PTPRM: variants seen among roughly 807,000 people sequenced by gnomAD.
PTPRM encodes protein tyrosine phosphatase receptor type M.
PTPRM carries 47 observed loss-of-function variants against 186.7 expected under a neutral mutation model. The observed-to-expected ratio is 0.25, with a 90% confidence interval of 0.20 to 0.32. PTPRM has a LOEUF of 0.32. Ranked by LOEUF, PTPRM falls within the 10% of genes least tolerant of loss-of-function variation. The pLI is 1.00. For missense variants in PTPRM, 1,494 were observed against 1,865.0 expected (o/e 0.80, Z 3.66); for synonymous variants, 668 against 674.9 (o/e 0.99, Z 0.16).
At chr18:7,931,572 G>T (rs985593171) in intron 5 of PTPRM, among the ~76,000 whole-genome samples, 2 of 152,132 alleles carry the variant, frequency 1.3e-5, no homozygotes, top group African/African-American at 4.8e-5. Context: ...GTGGTGGCAC[G>T]TGCCTGTAGT....
intron 1 of PTPRM, among the ~76,000 whole-genome samples, chr18:7,739,289 G>A (rs1299194989): frequency 6.6e-6 from 1 of 152,174 alleles, no homozygotes; most frequent in Non-Finnish European, 1.5e-5. Context: ...AAGAGGATCA[G>A]CTTTGATGAT....
At chr18:7,930,279 A>G (rs903398963) in intron 5 of PTPRM, among the ~76,000 whole-genome samples, 1 of 152,092 alleles carries the variant, frequency 6.6e-6, no homozygotes, top group Non-Finnish European at 1.5e-5. Context: ...CATGTTGCCT[A>G]GGCTGGTCTC....
intron 1 of PTPRM, among the ~76,000 whole-genome samples, chr18:7,678,610 A>T (rs1394633252): frequency 6.6e-6 from 1 of 152,166 alleles, no homozygotes; most frequent in Non-Finnish European, 1.5e-5. Context: ...ATATAAATTT[A>T]AATATGTACA....
At chr18:7,697,150 T>C (rs1487181100) in intron 1 of PTPRM, among the ~76,000 whole-genome samples, 1 of 152,196 alleles carries the variant, frequency 6.6e-6, no homozygotes, top group Admixed American at 6.5e-5. Context: ...TGTGTTAGTA[T>C]GAAGGGAAAT....
intron 7 of PTPRM, among the ~76,000 whole-genome samples, chr18:7,987,094 A>T (rs1175947881): frequency 6.6e-6 from 1 of 152,174 alleles, no homozygotes; most frequent in East Asian, 1.9e-4. Flanking sequence ...AGCCCTGGAA[A>T]ATTTATTCAG....
At chr18:7,650,444 T>TC (rs10707334) in intron 1 of PTPRM, among the ~76,000 whole-genome samples, 6,220 of 85,296 alleles carry the variant, frequency 0.073, 189 homozygotes, top group Non-Finnish European at 0.091. Flanking sequence ...AACTTTCAAA[T>TC]CCCCCCCCCC....
At chr18:8,395,603 G>C (rs2095841740) in intron 32 of PTPRM, among the ~76,000 whole-genome samples, 1 of 152,156 alleles carries the variant, frequency 6.6e-6, no homozygotes, top group South Asian at 2.1e-4. Context: ...CTGATGAGCT[G>C]CTCCATTTCC....
At chr18:8,239,522 T>G (rs189238778) in intron 14 of PTPRM, among the ~76,000 whole-genome samples, 2 of 152,202 alleles carry the variant, frequency 1.3e-5, no homozygotes, top group East Asian at 1.9e-4. Flanking sequence ...AGTTTTTACC[T>G]CTAAGATGTG....
intron 7 of PTPRM, among the ~76,000 whole-genome samples, chr18:7,982,301 T>TA (rs1273666921): frequency 2.0e-5 from 3 of 146,642 alleles, no homozygotes; most frequent in Non-Finnish European, 4.5e-5. Flanking sequence ...TTTTTTTTTT[T>TA]ACTTTTAAAA....
chr18:8,379,378 G>A, intron 28 of PTPRM, 38 bp downstream of exon 28: 1 of 1,549,792 alleles, frequency 6.5e-7, no homozygotes, highest in African/African-American at 1.4e-5. Context: ...CGAGGCTGGG[G>A]TGTTTGGGGA....
rs139994903 is a variant in PTPRM, at chr18:7,776,681, A to G, written c.196+2410A>G. Among the ~76,000 whole-genome samples the G allele has an allele frequency of 2.1e-3, 325 of 152,306 alleles. 1 individual carries two copies. Among genetic ancestry groups the G allele is most frequent in the African/African-American group, 6.9e-3 (286 of 41,562 alleles). ...TGGGGAAAAAAAGTTACAAAAATAC[A>G]ATTAGTGAACAATCTAAAATGATAT... On this transcript the variant is annotated intron_variant, in intron 2 of 32. Coordinates refer to ENST00000580170, the MANE Select transcript of PTPRM (RefSeq NM_001105244.2).
chr18:7,723,772 C>G (rs2040493476), intron 1 of PTPRM, among the ~76,000 whole-genome samples: 1 of 152,174 alleles, frequency 6.6e-6, no homozygotes. Flanking sequence ...GAGACCCTGT[C>G]CCCTGGGGGC....
intron 2 of PTPRM, among the ~76,000 whole-genome samples, chr18:7,787,720 G>A (rs1353507582): frequency 1.3e-5 from 2 of 152,198 alleles, no homozygotes; most frequent in Non-Finnish European, 2.9e-5. Flanking sequence ...AGATTTTGGA[G>A]TTGTTGAATG....
At chr18:8,093,068 G>T (rs1307012155) in intron 11 of PTPRM, among the ~76,000 whole-genome samples, 1 of 151,798 alleles carries the variant, frequency 6.6e-6, no homozygotes, top group Non-Finnish European at 1.5e-5. Context: ...AATTATGGTT[G>T]TTGGCATACA....
At chr18:7,980,565 G>A (rs938463399) in intron 7 of PTPRM, among the ~76,000 whole-genome samples, 1 of 151,686 alleles carries the variant, frequency 6.6e-6, no homozygotes, top group East Asian at 1.9e-4. Flanking sequence ...TAAAATTTTT[G>A]TAGGGACTGG....
Position 8,166,906 on chromosome 18 carries a change from A to C in PTPRM, c.2300+23127A>C, listed in dbSNP as rs113304361. Among the ~76,000 whole-genome samples the C allele has an allele frequency of 2.7e-3, 415 of 152,318 alleles. 4 individuals are homozygous for C. Among genetic ancestry groups the C allele is most frequent in the African/African-American group, 9.7e-3 (402 of 41,556 alleles). ...AAAATAGACCTAGGCAAAGATAGAC[A>C]CAAGATCTACCTGTTGAGCTGGAAA... On this transcript the variant is annotated intron_variant, in intron 14 of 32. Transcript: ENST00000580170.
At chr18:7,584,011 A>G (rs969030576) in intron 1 of PTPRM, among the ~76,000 whole-genome samples, 1 of 152,094 alleles carries the variant, frequency 6.6e-6, no homozygotes, top group Non-Finnish European at 1.5e-5. Flanking sequence ...TGAAGGATTT[A>G]AAATAATCTA....
At chr18:8,142,371 T>C (rs775490768) in intron 13 of PTPRM, among the ~76,000 whole-genome samples, 1 of 152,182 alleles carries the variant, frequency 6.6e-6, no homozygotes, top group Non-Finnish European at 1.5e-5. Flanking sequence ...ACTACAGCCA[T>C]GTTCAGAATG....
At chr18:8,074,524 C>G (rs917142882) in intron 8 of PTPRM, among the ~76,000 whole-genome samples, 1 of 152,170 alleles carries the variant, frequency 6.6e-6, no homozygotes, top group Non-Finnish European at 1.5e-5. Flanking sequence ...TTCCCTCCAG[C>G]AGGGTATGGG....
Sources: allele counts gnomAD v4.1 joint callset (sites outside exome capture counted in the v4.1 genomes callset), GRCh38; gene constraint gnomAD v4.1.1; transcripts MANE v1.5; gene names NCBI Gene and HGNC (gene_info 2026-07-23, HGNC 2026-07-21).